Variants in LGALS9C observed in about 807,000 individuals in gnomAD.
LGALS9C encodes galectin-9C.
LGALS9C carries 7 observed loss-of-function variants against 41.3 expected under a neutral mutation model. That is an observed-to-expected ratio of 0.17 (90% CI 0.10 to 0.32). The LOEUF is 0.32. Ranked by LOEUF, LGALS9C falls within the 10% of genes least tolerant of loss-of-function variation. LGALS9C has a pLI of 1.00. For missense variants in LGALS9C, 102 were observed against 455.2 expected (o/e 0.22, Z 7.06); for synonymous variants, 44 against 171.0 (o/e 0.26, Z 5.80).
chr17:18,476,918 G>T, intron 1 of LGALS9C, 25 bp downstream of exon 1: 1 of 1,592,552 alleles, frequency 6.3e-7, no homozygotes, highest in South Asian at 1.1e-5. Context: ...CGTGGGCACA[G>T]GGCTGCCTCA....
intron 10 of LGALS9C, among the ~76,000 whole-genome samples, chr17:18,493,191 G>T (rs1412759751): frequency 8.2e-6 from 1 of 121,320 alleles, no homozygotes. Flanking sequence ...TTTCACTGTC[G>T]CCCGCTTTGT....
intron 10 of LGALS9C, 49 bp downstream of exon 10, chr17:18,492,908 G>T (rs574907182): frequency 7.1e-7 from 1 of 1,411,510 alleles, no homozygotes; most frequent in East Asian, 2.3e-5. Context: ...GGGTACACGG[G>T]GAGGGGGTAA....
In LGALS9C at chr17:18,488,984, C is replaced by A; in HGVS notation, c.488C>A (p.Pro163Gln). The A allele has an allele frequency of 6.7e-7, 1 of 1,503,262 alleles. No homozygotes were observed. The highest frequency in any genetic ancestry group is 9.1e-7 in the Non-Finnish European group (1 of 1,093,142). The allele number at this position is 1,503,262 out of a possible 1,614,324, so 93.1% of individuals were successfully genotyped here. ...VPVQPAFSTVPFSQPVCFPPR... is the reference protein window; with the variant it reads ...VPVQPAFSTVQFSQPVCFPPR... ...GTTCAGCCTGCCTTCTCCACGGTGC[C>A]GTTCTCCCAGCCTGTCTGTTTCCCA... Residue 163 changes from proline (P) to glutamine (Q), a missense_variant, in exon 5 of 11, where the codon CCG (proline) becomes CAG (glutamine). Pro to Gln is a moderately conservative substitution (Grantham distance 76). Transcript: ENST00000328114.
rs1323956278 is a variant in LGALS9C at position 18,492,388 on chromosome 17, C to G, written c.673-69C>G. 16 of 1,505,346 alleles carry G rather than the reference C, an allele frequency of 1.1e-5. 3 individuals carry two copies. Among genetic ancestry groups the G allele is most frequent in the Admixed American group, 1.7e-5 (1 of 57,602 alleles). The allele number at this position is 1,505,346 out of a possible 1,614,324, so 93.2% of individuals were successfully genotyped here. A position where few individuals can be genotyped will look rare whatever the true frequency, so the allele number is the denominator to read the frequency against. ...CAGCCTAAATTCATGGGAACTGGTA[C>G]AATCTTCCCCTTCCATGTGGCGGCT... On this transcript the variant is annotated intron_variant, in intron 8 of 10. Transcript: ENST00000328114.
At chr17:18,488,192 G>GC (rs1489634302) in intron 4 of LGALS9C, among the ~76,000 whole-genome samples, 20 of 129,494 alleles carry the variant, frequency 1.5e-4, no homozygotes, top group African/African-American at 4.9e-4. Flanking sequence ...GTCATTGCCT[G>GC]CCCCCCATGG....
Position 18,478,470 on chromosome 17 carries a change from G to T in LGALS9C, c.39+1577G>T, listed in dbSNP as rs567433689. ...GGTTGGGACACTTGAGCCTCACTCGGTGACCCATCTGGCAGTCGGAGTCAC... is the reference window on the plus strand; with the variant it reads ...GGTTGGGACACTTGAGCCTCACTCGTTGACCCATCTGGCAGTCGGAGTCAC... On this transcript the variant is annotated intron_variant, in intron 1 of 10. Coordinates refer to ENST00000328114, the MANE Select transcript of LGALS9C (RefSeq NM_001040078.3). Among the ~76,000 whole-genome samples the T allele has an allele frequency of 3.1e-3, 385 of 122,532 alleles. 15 individuals carry two copies. Among genetic ancestry groups the T allele is most frequent in the African/African-American group, 1.0e-2 (370 of 37,044 alleles). The allele number at this position is 122,532 out of a possible 152,430, so 80.4% of individuals were successfully genotyped here. A position where few individuals can be genotyped will look rare whatever the true frequency, so the allele number is the denominator to read the frequency against.
intron 10 of LGALS9C, among the ~76,000 whole-genome samples, chr17:18,493,874 T>C (rs1989908057): frequency 7.1e-6 from 1 of 141,768 alleles, no homozygotes; most frequent in Admixed American, 6.9e-5. Flanking sequence ...ATTTGTACCC[T>C]GACTGCCTCA....
rs780342947 is a variant in LGALS9C at position 18,476,839 on chromosome 17, C to T, written c.-16C>T. ...CAGGTGTCAAAGGCAGTGGTGGCCACAGAGGCGGTGGAGAGATGGCCTTCA... is the reference window on the plus strand; with the variant it reads ...CAGGTGTCAAAGGCAGTGGTGGCCATAGAGGCGGTGGAGAGATGGCCTTCA... On this transcript the variant is annotated 5_prime_UTR_variant, in exon 1 of 11. Transcript: ENST00000328114. 1.9e-6 allele frequency: 3 copies of T among 1,585,566 alleles called. No homozygotes were observed. The highest frequency in any genetic ancestry group is 3.4e-5 in the Admixed American group (2 of 58,814).
chr17:18,482,507 C>CAAA (rs1166687895), intron 1 of LGALS9C, among the ~76,000 whole-genome samples: 2 of 95,272 alleles, frequency 2.1e-5, no homozygotes, highest in African/African-American at 6.3e-5. Flanking sequence ...GAAAGTTTTA[C>CAAA]AAAAAAAAAA....
Position 18,478,475 on chromosome 17 carries a change from C to A in LGALS9C, c.39+1582C>A. On this transcript the variant is annotated intron_variant, in intron 1 of 10. Transcript: ENST00000328114. ...GGACACTTGAGCCTCACTCGGTGAC[C>A]CATCTGGCAGTCGGAGTCACGCTTT... 1.6e-5 allele frequency among the ~76,000 whole-genome samples: 2 copies of A among 122,510 alleles called. 1 individual carries two copies. Among genetic ancestry groups the A allele is most frequent in the Non-Finnish European group, 3.9e-5 (2 of 50,676 alleles). The allele number at this position is 122,510 out of a possible 152,430, so 80.4% of individuals were successfully genotyped here.
At chr17:18,488,774 T>C (rs1989693329) in intron 4 of LGALS9C, among the ~76,000 whole-genome samples, 167 bp from the exon 5 acceptor site, 1 of 135,630 alleles carries the variant, frequency 7.4e-6, no homozygotes, top group East Asian at 2.0e-4. Context: ...CCTGCGCTGC[T>C]CACCGAAGCC....
At chr17:18,484,824 G>C (rs535707342) in intron 2 of LGALS9C, among the ~76,000 whole-genome samples, 1 of 150,472 alleles carries the variant, frequency 6.6e-6, no homozygotes, top group African/African-American at 2.4e-5. Flanking sequence ...TCCTGCTGTC[G>C]GACTTCTCTG....
intron 1 of LGALS9C, among the ~76,000 whole-genome samples, chr17:18,481,990 C>A (rs1459347728): frequency 6.7e-6 from 1 of 149,970 alleles, no homozygotes; most frequent in African/African-American, 2.4e-5. Context: ...AACACACACC[C>A]ATCACTCTGC....
chr17:18,487,020 C>A, intron 3 of LGALS9C: 1 of 162,870 alleles, frequency 6.1e-6, no homozygotes. Context: ...ATACTCATAC[C>A]CTGGAACTTA....
chr17:18,479,385 C>T (rs1477313769), intron 1 of LGALS9C, among the ~76,000 whole-genome samples: 2 of 130,022 alleles, frequency 1.5e-5, no homozygotes, highest in South Asian at 2.3e-4. Flanking sequence ...CCTCTCAGAA[C>T]GCTGCCAGCC....
At chr17:18,482,152 G>A (rs1989413777) in intron 1 of LGALS9C, among the ~76,000 whole-genome samples, 1 of 140,844 alleles carries the variant, frequency 7.1e-6, no homozygotes, top group Non-Finnish European at 1.6e-5. Flanking sequence ...GGGAATTTGG[G>A]GAGTTTCATT....
At position 18,492,924 on chromosome 17, in the gene LGALS9C, G is replaced by T; in HGVS notation, c.924+65G>T. ...GGTACACGGGGAGGGGGTAAAGGAG[G>T]TCTGGGGTACCTTGAACAGGATGGG... On this transcript the variant is annotated intron_variant, in intron 10 of 10. Transcript: ENST00000328114. 4 of 1,410,164 alleles carry T rather than the reference G, an allele frequency of 2.8e-6. 1 individual carries two copies. Among genetic ancestry groups the T allele is most frequent in the Non-Finnish European group, 3.9e-6 (4 of 1,019,012 alleles). 87.4% of individuals were successfully genotyped at this position (1,410,164 alleles called of 1,614,324 possible).
At chr17:18,492,592 G>A (rs1164718002) in intron 9 of LGALS9C, 47 bp downstream of exon 9, 2 of 1,588,742 alleles carry the variant, frequency 1.3e-6, no homozygotes, top group South Asian at 2.2e-5. Context: ...AGCCCTTCAA[G>A]GTCATTCCAG....
chr17:18,492,907 G>A lies in LGALS9C; in HGVS notation c.924+48G>A, dbSNP rs1293760845. On this transcript the variant is annotated intron_variant, in intron 10 of 10. Coordinates refer to ENST00000328114, the MANE Select transcript of LGALS9C (RefSeq NM_001040078.3). ...TTGAGGAGGCTCCTATGGGTACACG[G>A]GGAGGGGGTAAAGGAGGTCTGGGGT... 17 of 1,412,010 alleles carry A rather than the reference G, an allele frequency of 1.2e-5. 1 individual carries two copies. Among genetic ancestry groups the A allele is most frequent in the Non-Finnish European group, 1.5e-5 (15 of 1,020,096 alleles). 87.5% of individuals were successfully genotyped at this position (1,412,010 alleles called of 1,614,324 possible).
Sources: allele counts gnomAD v4.1 joint callset (sites outside exome capture counted in the v4.1 genomes callset), GRCh38; gene constraint gnomAD v4.1.1; transcripts MANE v1.5; gene names NCBI Gene and HGNC (gene_info 2026-07-23, HGNC 2026-07-21).